The following SLC24A2 variants were observed in gnomAD, a reference collection of about 807,000 sequenced individuals.
The protein encoded by SLC24A2 is sodium/potassium/calcium exchanger 2.
SLC24A2 carries 36 observed loss-of-function variants against 62.0 expected under a neutral mutation model. The observed-to-expected ratio is 0.58, with a 90% CI of 0.44 to 0.77. The LOEUF is 0.77. SLC24A2 is among the 30% of genes least tolerant of loss of function. SLC24A2 has a pLI of 0.00. For synonymous variants in SLC24A2, 358 were observed against 294.0 expected (o/e 1.22, Z -2.23); for missense variants, 846 against 817.9 (o/e 1.03, Z -0.42).
chr9:20,019,342 C>G, the SLC24A2 span, among the ~76,000 whole-genome samples: 1 of 150,614 alleles, frequency 6.6e-6, no homozygotes, highest in Non-Finnish European at 1.5e-5. Flanking sequence ...GTTCATACAG[C>G]TAGAAAGATA....
At chr9:20,077,857 G>A in the SLC24A2 span, among the ~76,000 whole-genome samples, 1 of 152,078 alleles carries the variant, frequency 6.6e-6, no homozygotes. Flanking sequence ...AAAAAATAGG[G>A]TGACTTTTCT....
chr9:20,056,105 G>A, the SLC24A2 span, among the ~76,000 whole-genome samples: 1 of 152,128 alleles, frequency 6.6e-6, no homozygotes, highest in Admixed American at 6.5e-5. Context: ...AATGGTAATA[G>A]TACCTATCAC....
the SLC24A2 span, among the ~76,000 whole-genome samples, chr9:20,173,952 CTAGA>C: frequency 6.6e-6 from 1 of 151,956 alleles, no homozygotes; most frequent in Non-Finnish European, 1.5e-5. Flanking sequence ...TCAAACTATA[CTAGA>C]AAACCATAGT....
the SLC24A2 span, among the ~76,000 whole-genome samples, chr9:20,276,446 C>T: frequency 6.6e-6 from 1 of 152,216 alleles, no homozygotes; most frequent in African/African-American, 2.4e-5. Flanking sequence ...CAGCTCTGCC[C>T]CTGTGGCTTT....
At chr9:20,062,283 C>G in the SLC24A2 span, among the ~76,000 whole-genome samples, 1 of 151,812 alleles carries the variant, frequency 6.6e-6, no homozygotes, top group Non-Finnish European at 1.5e-5. Context: ...GGTAAAGGTA[C>G]CAAAACAGAG....
the SLC24A2 span, among the ~76,000 whole-genome samples, chr9:19,969,137 G>A: frequency 7.0e-6 from 1 of 143,332 alleles, no homozygotes. Flanking sequence ...CTGAGGCCAG[G>A]GAGGAAAAGG....
chr9:19,693,641 G>C (rs1005421994), intron 2 of SLC24A2, among the ~76,000 whole-genome samples: 2 of 152,040 alleles, frequency 1.3e-5, no homozygotes, highest in African/African-American at 4.8e-5. Context: ...ACATCGACAA[G>C]ACTGATAAGC....
At chr9:19,709,188 A>G (rs28810992) in intron 2 of SLC24A2, among the ~76,000 whole-genome samples, 8,313 of 152,108 alleles carry the variant, frequency 0.055, 326 homozygotes, top group Non-Finnish European at 0.083. Context: ...AGAAATGCAA[A>G]TCAAAACCAC....
chr9:20,227,650 T>C, the SLC24A2 span, among the ~76,000 whole-genome samples: 1 of 152,012 alleles, frequency 6.6e-6, no homozygotes, highest in Non-Finnish European at 1.5e-5. Flanking sequence ...TGCCCTTCTA[T>C]GCCCTGCTAT....
At chr9:19,829,763 A>ATGTGTG in the SLC24A2 span, among the ~76,000 whole-genome samples, 1 of 76,146 alleles carries the variant, frequency 1.3e-5, no homozygotes. Flanking sequence ...TTTTATATAT[A>ATGTGTG]TATGTGTGTG....
At chr9:19,620,777 G>C (rs1027822371) in intron 3 of SLC24A2, among the ~76,000 whole-genome samples, 4 of 152,196 alleles carry the variant, frequency 2.6e-5, no homozygotes, top group Non-Finnish European at 5.9e-5. Context: ...CGTAATGTAA[G>C]GGAATTAATT....
the SLC24A2 span, among the ~76,000 whole-genome samples, chr9:20,297,317 C>A: frequency 2.0e-5 from 3 of 152,162 alleles, no homozygotes; most frequent in African/African-American, 7.2e-5. Context: ...CCATTTTACA[C>A]ATTAACCCTG....
At chr9:20,058,452 A>C in the SLC24A2 span, among the ~76,000 whole-genome samples, 8 of 151,492 alleles carry the variant, frequency 5.3e-5, no homozygotes, top group Admixed American at 1.3e-4. Context: ...TTATATCTGG[A>C]GGCTCAAAGT....
At chr9:20,034,092 T>G in the SLC24A2 span, among the ~76,000 whole-genome samples, 1 of 152,056 alleles carries the variant, frequency 6.6e-6, no homozygotes, top group African/African-American at 2.4e-5. Context: ...ATGGAGGAAA[T>G]TTTGCCAAAG....
chr9:19,604,281 T>C (rs754856986), intron 4 of SLC24A2, among the ~76,000 whole-genome samples: 1 of 152,108 alleles, frequency 6.6e-6, no homozygotes, highest in South Asian at 2.1e-4. Context: ...ACTCTTGGAA[T>C]CCCCTTCATT....
the SLC24A2 span, among the ~76,000 whole-genome samples, chr9:20,227,644 C>A: frequency 6.6e-6 from 1 of 151,914 alleles, no homozygotes; most frequent in Non-Finnish European, 1.5e-5. Flanking sequence ...CTCTTCTGCC[C>A]TTCTATGCCC....
chr9:20,142,817 A>G, the SLC24A2 span, among the ~76,000 whole-genome samples: 1 of 152,224 alleles, frequency 6.6e-6, no homozygotes, highest in South Asian at 2.1e-4. Context: ...GCTGGTCTCG[A>G]ACTCCTGACC....
chr9:19,986,453 A>G, the SLC24A2 span, among the ~76,000 whole-genome samples: 9 of 152,178 alleles, frequency 5.9e-5, no homozygotes, highest in Non-Finnish European at 1.3e-4. Flanking sequence ...TCCTAAAAGA[A>G]CTGCAAGCAA....
the SLC24A2 span, among the ~76,000 whole-genome samples, chr9:20,262,277 T>G: frequency 2.0e-5 from 3 of 152,202 alleles, no homozygotes; most frequent in Non-Finnish European, 4.4e-5. Context: ...AATCTTTGTT[T>G]TGGCATGTCC....
Sources: gnomAD v4.1 joint callset for allele counts (sites outside exome capture counted in the v4.1 genomes callset) on GRCh38, gnomAD v4.1.1 for gene constraint, MANE v1.5 for transcripts, NCBI Gene and HGNC (gene_info 2026-07-23, HGNC 2026-07-21) for gene names.